Variants in TMEM79 observed in about 807,000 individuals in gnomAD.
TMEM79 encodes the protein transmembrane protein 79, also known as mattrin.
A neutral mutation model predicts 31.2 loss-of-function variants in TMEM79; 30 were observed. That is an observed-to-expected ratio of 0.96 (90% CI 0.72 to 1.30). The LOEUF is 1.30. Ranked by LOEUF, TMEM79 falls within the 50% of genes most tolerant of loss-of-function variation. TMEM79 has a pLI of 0.00. For synonymous variants in TMEM79, 213 were observed against 229.5 expected (o/e 0.93, Z 0.65); for missense variants, 509 against 528.2 (o/e 0.96, Z 0.36).
rs1451960424 is a variant in TMEM79, at chr1:156,286,258, A to T, written c.758-2A>T. ...CCTACCCTGTTTCCCAACTCCACCC[A>T]GGGATCCTGGTGTACGGGCTGAGCC... On this transcript the variant is annotated splice_acceptor_variant, in intron 2 of 3. Coordinates refer to ENST00000405535, the MANE Select transcript of TMEM79 (RefSeq NM_032323.3). LOFTEE classifies it high-confidence loss of function. 5 of 1,613,636 alleles carry T rather than the reference A, an allele frequency of 3.1e-6. No individual in the cohort carries two copies. Among genetic ancestry groups the T allele is most frequent in the Non-Finnish European group, 4.2e-6 (5 of 1,179,778 alleles).
chr1:156,286,581 G>C, intron 3 of TMEM79, 108 bp downstream of exon 3: 1 of 1,108,058 alleles, frequency 9.0e-7, no homozygotes, highest in East Asian at 2.4e-5. Context: ...TTCTACACTG[G>C]CCCAAATGTG....
In TMEM79 at chr1:156,285,945, T is replaced by A; in HGVS notation, c.719T>A (p.Leu240Gln). The A allele has an allele frequency of 6.2e-7, 1 of 1,612,286 alleles. No individual in the cohort carries two copies. Among genetic ancestry groups the A allele is most frequent in the Admixed American group, 1.7e-5 (1 of 59,870 alleles). ...ATGAGTTCCCGCCTGATCTACACACTGCGCTGCGGGGTCTTTGCCACCTTC... is the reference window on the plus strand; with the variant it reads ...ATGAGTTCCCGCCTGATCTACACACAGCGCTGCGGGGTCTTTGCCACCTTC... Reference protein sequence around the residue: ...PTMSSRLIYTLRCGVFATFPI... With the variant: ...PTMSSRLIYTQRCGVFATFPI... Residue 240 changes from leucine to glutamine, a missense_variant, in exon 2 of 4, where the codon CTG (leucine) becomes CAG (glutamine). Transcript: ENST00000405535.
rs772068906 is a variant in TMEM79 at position 156,291,573 on chromosome 1, A to T, written c.1160A>T (p.Asp387Val). 2 of 1,610,518 alleles carry T rather than the reference A, an allele frequency of 1.2e-6. No individual in the cohort carries two copies. Among genetic ancestry groups the T allele is most frequent in the Non-Finnish European group, 1.7e-6 (2 of 1,179,842 alleles). The change falls in exon 4 of 4, where the codon GAC (aspartate) becomes GTC (valine). Residue 387 changes from aspartate to valine, a missense_variant. Asp to Val is a radical substitution (Grantham distance 152). Transcript: ENST00000405535. ...DYPDHARSAS[D>V]YRPRPWG ...CCGGACCACGCCCGCTCGGCCTCCG[A>T]CTACAGGCCCCGCCCCTGGGGCTGA... is the stretch of plus-strand genomic sequence containing the variant.
intron 3 of TMEM79, 102 bp from the exon 4 acceptor site, chr1:156,291,283 C>G (rs1663317837): frequency 9.7e-7 from 1 of 1,027,168 alleles, no homozygotes; most frequent in Non-Finnish European, 1.5e-6. Context: ...TACCCACCAA[C>G]TGCATCTGCC....
chr1:156,285,769 G>A lies in TMEM79; in HGVS notation c.543G>A (p.Pro181=), dbSNP rs140033065. 3.2e-3 allele frequency: 5,140 copies of A among 1,613,292 alleles called. 8 individuals are homozygous for A. The highest frequency in any genetic ancestry group is 3.8e-3 in the Non-Finnish European group (4,509 of 1,179,942). ...AGTGGGCTGAGGCAGTGGTGAGGCCGCCTGGCTGTTCCTGTGGGGGCTGCG... is the reference window on the plus strand; with the variant it reads ...AGTGGGCTGAGGCAGTGGTGAGGCCACCTGGCTGTTCCTGTGGGGGCTGCG... ...ERKWAEAVVR[P]PGCSCGGCGS... Residue 181 remains proline (P), a synonymous_variant, in exon 2 of 4, where the codon CCG becomes CCA. Transcript: ENST00000405535.
rs1320741618 is a variant in TMEM79 at position 156,285,857 on chromosome 1, T to C, written c.631T>C (p.Phe211Leu). The C allele has an allele frequency of 3.1e-6, 5 of 1,613,696 alleles. No individual in the cohort carries two copies. The highest frequency in any genetic ancestry group is 1.3e-5 in the African/African-American group (1 of 74,918). ...CTCCGTGGGAGCCGCACTCATTCTC[T>C]TCCCTTGCCTACTATACGGGGCATA... ...VASVGAALIL[F>L]PCLLYGAYAF... The change falls in exon 2 of 4, where the codon TTC becomes CTC. Residue 211 changes from phenylalanine (F) to leucine (L), a missense_variant. Coordinates refer to ENST00000405535, the MANE Select transcript of TMEM79 (RefSeq NM_032323.3).
At chr1:156,286,556 C>A in intron 3 of TMEM79, 83 bp downstream of exon 3, 2 of 1,428,294 alleles carry the variant, frequency 1.4e-6, no homozygotes, top group South Asian at 1.2e-5. Context: ...GAGCCAGGGT[C>A]AGGAGCTTTC....
At chr1:156,289,062 T>A (rs947056238) in intron 3 of TMEM79, among the ~76,000 whole-genome samples, 14 of 152,168 alleles carry the variant, frequency 9.2e-5, no homozygotes, top group Non-Finnish European at 1.5e-4. Flanking sequence ...TTATCCAGGG[T>A]CCTTTCTTCT....
chr1:156,291,375 G>A lies in TMEM79; in HGVS notation c.972-10G>A. 6.2e-6 allele frequency: 10 copies of A among 1,612,592 alleles called. No individual in the cohort carries two copies. The highest frequency in any genetic ancestry group is 8.5e-6 in the Non-Finnish European group (10 of 1,178,924). ...TCGAGAGTAGCCTGACCCTTTTCTT[G>A]CCCCCATAGGCTGATCTACTGGCTG... On this transcript the variant is annotated splice_polypyrimidine_tract_variant and intron_variant, in intron 3 of 3. Coordinates refer to ENST00000405535, the MANE Select transcript of TMEM79 (RefSeq NM_032323.3).
intron 3 of TMEM79, among the ~76,000 whole-genome samples, chr1:156,289,340 G>T (rs1194289114): frequency 6.6e-6 from 1 of 152,138 alleles, no homozygotes; most frequent in African/African-American, 2.4e-5. Flanking sequence ...CGGGTGTGGT[G>T]ATGGGCGCCT....
Position 156,291,901 on chromosome 1 carries a change from C to T in TMEM79, c.*303C>T. On this transcript the variant is annotated 3_prime_UTR_variant, in exon 4 of 4. Coordinates refer to ENST00000405535, the MANE Select transcript of TMEM79 (RefSeq NM_032323.3). ...CCAGGACCAGGGGAGAGGCACAGCTCCTTCCTGAGCAGCCTCTCACCACTG... is the reference window on the plus strand; with the variant it reads ...CCAGGACCAGGGGAGAGGCACAGCTTCTTCCTGAGCAGCCTCTCACCACTG... 7 of 578,896 alleles carry T rather than the reference C, an allele frequency of 1.2e-5. No homozygotes were observed. The South Asian group carries it at 1.3e-4, about 11-fold the overall frequency. 35.9% of individuals were successfully genotyped at this position (578,896 alleles called of 1,614,324 possible). A position where few individuals can be genotyped will look rare whatever the true frequency, so the allele number is the denominator to read the frequency against.
rs1263750522 is a variant in TMEM79 at position 156,286,457 on chromosome 1, CTCTTTGCCG to C, written c.959_967del (p.Phe320_Val322del). On this transcript the variant is annotated inframe_deletion, in exon 3 of 4. Coordinates refer to ENST00000405535, the MANE Select transcript of TMEM79 (RefSeq NM_032323.3). ...CAAACTGCTCCCTCTGCTCACTGGT[CTCTTTGCCG>C]TCTCCCGGTAAGTTGGGGCAGAGGG... 1 of 1,614,188 alleles carries C rather than the reference CTCTTTGCCG, an allele frequency of 6.2e-7. No homozygotes were observed. The highest frequency in any genetic ancestry group is 1.7e-5 in the Admixed American group (1 of 60,016).
intron 3 of TMEM79, chr1:156,290,761 G>A (rs7537271): frequency 0.21 from 32,277 of 151,042 alleles, 3,666 homozygotes; most frequent in Admixed American, 0.31. Flanking sequence ...CCCGGGAGGC[G>A]GAGGTTGCAG....
chr1:156,291,753 T>G lies in TMEM79; in HGVS notation c.*155T>G. 1.5e-6 allele frequency: 1 copy of G among 668,774 alleles called. No individual in the cohort carries two copies. Among genetic ancestry groups the G allele is most frequent in the Non-Finnish European group, 2.6e-6 (1 of 385,772 alleles). The allele number at this position is 668,774 out of a possible 1,614,324, so 41.4% of individuals were successfully genotyped here. A position where few individuals can be genotyped will look rare whatever the true frequency, so the allele number is the denominator to read the frequency against. On this transcript the variant is annotated 3_prime_UTR_variant, in exon 4 of 4. Transcript: ENST00000405535. ...AACAGGGACTCCAATCAATCGGAGT[T>G]CTCCCCTTGCCGGAGCTGCCCTTCA...
At chr1:156,287,743 C>T (rs566626028) in intron 3 of TMEM79, among the ~76,000 whole-genome samples, 7 of 151,552 alleles carry the variant, frequency 4.6e-5, no homozygotes, top group South Asian at 2.1e-4. Flanking sequence ...CAGCCTCCCG[C>T]GTAGCTGGGA....
At position 156,291,693 on chromosome 1, in the gene TMEM79, T is replaced by A; in HGVS notation, c.*95T>A. ...CAGGCCTGGACTTCGCCCCCAGGCC[T>A]AGGACCGCGGTGGGTGGAACCCTGC... On this transcript the variant is annotated 3_prime_UTR_variant, in exon 4 of 4. Transcript: ENST00000405535. 1 of 1,185,472 alleles carries A rather than the reference T, an allele frequency of 8.4e-7. No homozygotes were observed. 73.4% of individuals were successfully genotyped at this position (1,185,472 alleles called of 1,614,324 possible). A position where few individuals can be genotyped will look rare whatever the true frequency, so the allele number is the denominator to read the frequency against.
At chr1:156,285,034 G>A (rs891392548) in intron 1 of TMEM79, 150 bp from the exon 2 acceptor site, 1 of 506,918 alleles carries the variant, frequency 2.0e-6, no homozygotes, top group Non-Finnish European at 3.2e-6. Context: ...CTCTGTTTCA[G>A]TGTCTTCCTC....
At position 156,284,412 on chromosome 1, in the gene TMEM79, A is replaced by G. The variant is rs1663087307; in HGVS notation, c.-44+6A>G. On this transcript the variant is annotated splice_donor_region_variant and intron_variant, in intron 1 of 3. Coordinates refer to ENST00000405535, the MANE Select transcript of TMEM79 (RefSeq NM_032323.3). The stretch of plus-strand genomic sequence containing the variant: ...CCCTCCACTCCATATGGAAAGTAAG[A>G]GGATGTCATGGGTCCAAACTGCAAG... The G allele has an allele frequency of 6.6e-6, 1 of 152,204 alleles. No homozygotes were observed. Among genetic ancestry groups the G allele is most frequent in the Non-Finnish European group, 1.5e-5 (1 of 68,048 alleles). 9.4% of individuals were successfully genotyped at this position (152,204 alleles called of 1,614,324 possible). A position where few individuals can be genotyped will look rare whatever the true frequency, so the allele number is the denominator to read the frequency against.
chr1:156,285,444 C>G lies in TMEM79; in HGVS notation c.218C>G (p.Ala73Gly). The G allele has an allele frequency of 1.2e-6, 2 of 1,613,646 alleles. No homozygotes were observed. The highest frequency in any genetic ancestry group is 1.7e-6 in the Non-Finnish European group (2 of 1,179,802). ...GGTCTAGACAGCACAGTAAGTGAGG[C>G]TGCCACCTTGCCCTGGGGGACTGGC... ...EDGLDSTVSE[A>G]ATLPWGTGPQ... is the part of the protein sequence containing the mutation. The change falls in exon 2 of 4, where the codon GCT (alanine) becomes GGT (glycine). Residue 73 changes from alanine to glycine, a missense_variant. Ala to Gly is a moderately conservative substitution (Grantham distance 60). Coordinates refer to ENST00000405535, the MANE Select transcript of TMEM79 (RefSeq NM_032323.3).
Sources: gnomAD v4.1 joint callset for allele counts (sites outside exome capture counted in the v4.1 genomes callset) on GRCh38, gnomAD v4.1.1 for gene constraint, MANE v1.5 for transcripts, NCBI Gene and HGNC (gene_info 2026-07-23, HGNC 2026-07-21) for gene names.